The following ZBTB10 variants were observed in gnomAD, a reference collection of about 807,000 sequenced individuals.
ZBTB10 encodes the protein zinc finger and BTB domain containing 10, also known as zinc finger and BTB domain-containing protein 10.
A neutral mutation model predicts 76.4 loss-of-function variants in ZBTB10; 32 were observed. That is an observed-to-expected ratio of 0.42 (90% CI 0.32 to 0.56). ZBTB10 has a LOEUF of 0.56. ZBTB10 is among the 20% of genes least tolerant of loss of function. ZBTB10 has a pLI of 0.14. For synonymous variants in ZBTB10, 523 were observed against 432.9 expected (o/e 1.21, Z -2.58); for missense variants, 1,057 against 1,098.5 (o/e 0.96, Z 0.53).
At chr8:80,500,793 G>A (rs1815905106) in intron 2 of ZBTB10, among the ~76,000 whole-genome samples, 1 of 152,142 alleles carries the variant, frequency 6.6e-6, no homozygotes. Flanking sequence ...ATTTTTGGCT[G>A]TTAAAACATA....
chr8:80,512,065 T>A (rs895237554), intron 2 of ZBTB10, among the ~76,000 whole-genome samples: 1 of 152,170 alleles, frequency 6.6e-6, no homozygotes, highest in East Asian at 1.9e-4. Context: ...TTTACTGTTA[T>A]TTAATGTGGT....
In ZBTB10 at chr8:80,499,550, G is replaced by A; in HGVS notation, c.1029G>A (p.Glu343=). 1 of 1,613,680 alleles carries A rather than the reference G, an allele frequency of 6.2e-7. No homozygotes were observed. Among genetic ancestry groups the A allele is most frequent in the South Asian group, 1.1e-5 (1 of 90,974 alleles). The part of the protein sequence containing the change: ...GYCDFNSRPN[E]NSYCYQLLRQ... ...GTGACTTTAATAGTAGGCCAAATGA[G>A]AACTCTTATTGCTATCAACTTCTGC... Residue 343 remains glutamate (E), a synonymous_variant, in exon 2 of 6, where the codon GAG becomes GAA. Transcript: ENST00000455036.
In ZBTB10 at chr8:80,523,617, GT is replaced by G. The variant is rs58162056; in HGVS notation, c.*4102del. ...GTCACTTTAGGACTTAAAATGGAAA[GT>G]TTTTTTTTTTTTCCTGCTGTATCTC... On this transcript the variant is annotated 3_prime_UTR_variant, in exon 6 of 6. Coordinates refer to ENST00000455036, the MANE Select transcript of ZBTB10 (RefSeq NM_001105539.3). 54,590 of 147,090 alleles carry G rather than the reference GT, an allele frequency of 0.37. 12,814 individuals carry two copies. Among genetic ancestry groups the G allele is most frequent in the African/African-American group, 0.68 (27,650 of 40,588 alleles). The allele number at this position is 147,090 out of a possible 1,614,324, so 9.1% of individuals were successfully genotyped here.
Position 80,520,490 on chromosome 8 carries a change from G to A in ZBTB10, c.*962G>A, listed in dbSNP as rs1368092217. On this transcript the variant is annotated 3_prime_UTR_variant, in exon 6 of 6. Coordinates refer to ENST00000455036, the MANE Select transcript of ZBTB10 (RefSeq NM_001105539.3). ...GAAAAATCATAGAAATAAGTAAAAT[G>A]ATTTGTTTTATAATTTATCCACCAT... 3 of 152,368 alleles carry A rather than the reference G, an allele frequency of 2.0e-5. No individual in the cohort carries two copies. Among genetic ancestry groups the A allele is most frequent in the Non-Finnish European group, 4.4e-5 (3 of 67,906 alleles). The allele number at this position is 152,368 out of a possible 1,614,324, so 9.4% of individuals were successfully genotyped here.
chr8:80,516,509 C>G (rs1237251102), intron 3 of ZBTB10, among the ~76,000 whole-genome samples: 1 of 152,170 alleles, frequency 6.6e-6, no homozygotes, highest in Non-Finnish European at 1.5e-5. Flanking sequence ...AGGTTGACCT[C>G]CACAGGCTAC....
chr8:80,510,322 G>T (rs1295354162), intron 2 of ZBTB10, among the ~76,000 whole-genome samples: 2 of 152,164 alleles, frequency 1.3e-5, no homozygotes, highest in East Asian at 3.8e-4. Context: ...AGGCCCTGAG[G>T]CTTGGTGCTT....
In ZBTB10 at chr8:80,525,889, T is replaced by C. The variant is rs991480641; in HGVS notation, c.*6361T>C. ...ATGTAGCTATCAAGCCAGTTTCGTT[T>C]AGTTATTTTGTGTTGCCAAGCATAT... On this transcript the variant is annotated 3_prime_UTR_variant, in exon 6 of 6. Coordinates refer to ENST00000455036, the MANE Select transcript of ZBTB10 (RefSeq NM_001105539.3). 6.6e-6 allele frequency: 1 copy of C among 152,168 alleles called. No individual in the cohort carries two copies. Among genetic ancestry groups the C allele is most frequent in the Non-Finnish European group, 1.5e-5 (1 of 68,024 alleles). The allele number at this position is 152,168 out of a possible 1,614,324, so 9.4% of individuals were successfully genotyped here.
chr8:80,495,414 GTT>G (rs1420304692), intron 1 of ZBTB10, among the ~76,000 whole-genome samples: 12 of 137,914 alleles, frequency 8.7e-5, no homozygotes, highest in East Asian at 2.1e-4. Context: ...TTGTTTTGTT[GTT>G]TTTTTTTTTT....
chr8:80,493,193 A>ACGCGCGCGCGCGCGCGCG (rs1199081931), intron 1 of ZBTB10, among the ~76,000 whole-genome samples: 10 of 124,440 alleles, frequency 8.0e-5, no homozygotes, highest in Non-Finnish European at 1.7e-4. Context: ...GTGCCTCAAA[A>ACGCGCGCGCGCGCGCGCG]CGCGCGCGCG....
intron 2 of ZBTB10, among the ~76,000 whole-genome samples, chr8:80,501,004 C>T (rs1292950459): frequency 2.0e-5 from 3 of 152,118 alleles, no homozygotes; most frequent in Admixed American, 2.0e-4. Context: ...GTAGCTGGGA[C>T]TGCAGGTGCG....
chr8:80,487,991 G>A (rs548978307), intron 1 of ZBTB10, among the ~76,000 whole-genome samples: 1 of 152,216 alleles, frequency 6.6e-6, no homozygotes, highest in South Asian at 2.1e-4. Context: ...TGTGTTGTGG[G>A]GGGAAGGGGA....
intron 2 of ZBTB10, among the ~76,000 whole-genome samples, chr8:80,501,757 T>C (rs1815929411): frequency 6.6e-6 from 1 of 152,208 alleles, no homozygotes; most frequent in Admixed American, 6.5e-5. Flanking sequence ...TCTTTTTCCT[T>C]GTACTTTATA....
chr8:80,487,924 G>A (rs896361046), intron 1 of ZBTB10, 142 bp downstream of exon 1: 23 of 1,013,616 alleles, frequency 2.3e-5, no homozygotes, highest in Non-Finnish European at 3.0e-5. Context: ...AGAGGTGCGG[G>A]AAGCTTAGGC....
chr8:80,515,014 G>C (rs1201626819), intron 3 of ZBTB10, among the ~76,000 whole-genome samples: 4 of 152,194 alleles, frequency 2.6e-5, no homozygotes, highest in Non-Finnish European at 5.9e-5. Context: ...CTAAAGTGCA[G>C]CATGGATCTT....
rs1448154944 is a variant in ZBTB10 at position 80,526,090 on chromosome 8, C to T, written c.*6562C>T. 6.6e-6 allele frequency: 1 copy of T among 151,944 alleles called. No homozygotes were observed. Among genetic ancestry groups the T allele is most frequent in the African/African-American group, 2.4e-5 (1 of 41,352 alleles). The allele number at this position is 151,944 out of a possible 1,614,324, so 9.4% of individuals were successfully genotyped here. On this transcript the variant is annotated 3_prime_UTR_variant, in exon 6 of 6. Transcript: ENST00000455036. ...TTTTTAAACCGTCTCCATAACAGAACACTTAGAATTATTAGCCATTTGCTG... is the reference window on the plus strand; with the variant it reads ...TTTTTAAACCGTCTCCATAACAGAATACTTAGAATTATTAGCCATTTGCTG...
intron 2 of ZBTB10, among the ~76,000 whole-genome samples, chr8:80,513,561 T>C (rs1816251900): frequency 6.6e-6 from 1 of 152,242 alleles, no homozygotes; most frequent in Non-Finnish European, 1.5e-5. Context: ...TCAAGTACCA[T>C]AATTGTAACA....
chr8:80,525,274 AAAG>A lies in ZBTB10; in HGVS notation c.*5749_*5751del, dbSNP rs1816538879. On this transcript the variant is annotated 3_prime_UTR_variant, in exon 6 of 6. Transcript: ENST00000455036. ...ATAACTGTCTTTCTGAAGTTTAAAG[AAAG>A]AAAGTGAACTATAGAAATCTATTCA... 6.6e-6 allele frequency: 1 copy of A among 152,106 alleles called. No homozygotes were observed. Among genetic ancestry groups the A allele is most frequent in the South Asian group, 2.1e-4 (1 of 4,828 alleles). 9.4% of individuals were successfully genotyped at this position (152,106 alleles called of 1,614,324 possible).
At chr8:80,496,118 A>G (rs1219512599) in intron 1 of ZBTB10, among the ~76,000 whole-genome samples, 1 of 152,236 alleles carries the variant, frequency 6.6e-6, no homozygotes, top group African/African-American at 2.4e-5. Context: ...AAGTGGACAT[A>G]GAACGTTAAA....
intron 2 of ZBTB10, among the ~76,000 whole-genome samples, chr8:80,502,258 C>T (rs530142590): frequency 1.3e-5 from 2 of 152,214 alleles, no homozygotes; most frequent in South Asian, 2.1e-4. Flanking sequence ...TGTTTTTAAA[C>T]GGAGTCTCAC....
Sources: allele counts gnomAD v4.1 joint callset (sites outside exome capture counted in the v4.1 genomes callset), GRCh38; gene constraint gnomAD v4.1.1; transcripts MANE v1.5; gene names NCBI Gene and HGNC (gene_info 2026-07-23, HGNC 2026-07-21).